Variants in PEBP4 observed in about 807,000 individuals in gnomAD.
PEBP4 encodes the protein phosphatidylethanolamine-binding protein 4.
Under a neutral mutation model 23.9 loss-of-function variants are expected in PEBP4, and 22 were observed. The observed-to-expected ratio is 0.92, with a 90% CI of 0.66 to 1.31. The LOEUF (loss-of-function observed/expected upper bound fraction) is 1.31. Ranked by LOEUF, PEBP4 falls within the 40% of genes most tolerant of loss-of-function variation. The pLI, the probability that PEBP4 is intolerant of heterozygous loss-of-function variation, is 0.00. For missense variants in PEBP4, 324 were observed against 281.7 expected, an observed-to-expected ratio of 1.15 and a Z score of -1.07; for synonymous variants, 112 against 99.3, an observed-to-expected ratio of 1.13 and a Z score of -0.76.
chr8:22,763,152 A>G (rs140539453), intron 4 of PEBP4, among the ~76,000 whole-genome samples: 2,594 of 152,140 alleles, frequency 0.017, 33 homozygotes, highest in South Asian at 0.09. Context: ...TTACAGGTGC[A>G]TGCCACCACA....
chr8:22,937,826 T>C (rs945410996), intron 1 of PEBP4, among the ~76,000 whole-genome samples: 16 of 147,812 alleles, frequency 1.1e-4, no homozygotes, highest in South Asian at 2.1e-4. Context: ...GTGTGTGTGT[T>C]CAAATGATTT....
intron 3 of PEBP4, among the ~76,000 whole-genome samples, chr8:22,819,327 C>G (rs998891792): frequency 5.9e-5 from 9 of 152,136 alleles, no homozygotes; most frequent in Non-Finnish European, 1.3e-4. Context: ...TCAAATGCTG[C>G]TAAAAGGTAG....
chr8:22,752,351 G>C (rs1805287257), intron 4 of PEBP4, among the ~76,000 whole-genome samples: 1 of 152,232 alleles, frequency 6.6e-6, no homozygotes, highest in Non-Finnish European at 1.5e-5. Flanking sequence ...GAATGCCTTT[G>C]TGAAAGAACT....
intron 3 of PEBP4, among the ~76,000 whole-genome samples, chr8:22,904,091 G>A (rs1284144769): frequency 6.6e-6 from 1 of 152,360 alleles, no homozygotes; most frequent in Admixed American, 6.5e-5. Context: ...CAGGCTGAGA[G>A]TGGGGCAAGG....
At chr8:22,777,660 CG>C (rs1805839631) in intron 4 of PEBP4, among the ~76,000 whole-genome samples, 1 of 152,122 alleles carries the variant, frequency 6.6e-6, no homozygotes. Flanking sequence ...GCCCCAGAGC[CG>C]GGGGTGGTGG....
At chr8:22,896,698 TAC>T (rs1017423825) in intron 3 of PEBP4, among the ~76,000 whole-genome samples, 1 of 152,140 alleles carries the variant, frequency 6.6e-6, no homozygotes, top group African/African-American at 2.4e-5. Context: ...GAAACAGCAT[TAC>T]ACAGAGGTTG....
chr8:22,898,371 G>C (rs576305903), intron 3 of PEBP4, among the ~76,000 whole-genome samples: 1 of 118,884 alleles, frequency 8.4e-6, no homozygotes, highest in South Asian at 3.0e-4. Context: ...CAGCCTGAGC[G>C]ACAGAGGAAG....
At chr8:22,908,388 AC>A (rs1268733551) in intron 3 of PEBP4, among the ~76,000 whole-genome samples, 103 of 143,930 alleles carry the variant, frequency 7.2e-4, no homozygotes, top group African/African-American at 2.5e-3. Flanking sequence ...AAACAAACAA[AC>A]AAACAAAAAA....
chr8:22,791,859 G>T (rs534940095), intron 4 of PEBP4, among the ~76,000 whole-genome samples: 2 of 128,530 alleles, frequency 1.6e-5, no homozygotes, highest in East Asian at 4.5e-4. Context: ...AAAAGCACTG[G>T]ATTCTTTTTT....
intron 3 of PEBP4, among the ~76,000 whole-genome samples, chr8:22,819,756 G>A (rs923842877): frequency 6.6e-6 from 1 of 151,986 alleles, no homozygotes; most frequent in Non-Finnish European, 1.5e-5. Context: ...ACAGGCGCCC[G>A]CCACCACGCC....
chr8:22,791,819 C>T (rs920873445), intron 4 of PEBP4, among the ~76,000 whole-genome samples: 2 of 152,032 alleles, frequency 1.3e-5, no homozygotes, highest in Non-Finnish European at 2.9e-5. Flanking sequence ...ACAAGTCAGA[C>T]AAAGCCTGTG....
chr8:22,833,596 T>G (rs999281899), intron 3 of PEBP4, among the ~76,000 whole-genome samples: 16 of 152,208 alleles, frequency 1.1e-4, no homozygotes, highest in African/African-American at 3.9e-4. Flanking sequence ...CCTCTCAAAG[T>G]GCTGGGATTA....
intron 4 of PEBP4, among the ~76,000 whole-genome samples, chr8:22,759,305 CTCT>C (rs753250183): frequency 5.9e-5 from 9 of 151,798 alleles, no homozygotes; most frequent in Non-Finnish European, 1.0e-4. Flanking sequence ...GTACCCAGTC[CTCT>C]TGAGTCCTGG....
chr8:22,805,940 T>C (rs1806486129), intron 4 of PEBP4, among the ~76,000 whole-genome samples: 1 of 151,902 alleles, frequency 6.6e-6, no homozygotes, highest in Non-Finnish European at 1.5e-5. Flanking sequence ...AAAGGAGAGG[T>C]ATAACTCTTC....
At chr8:22,853,193 G>T (rs968705994) in intron 3 of PEBP4, among the ~76,000 whole-genome samples, 4 of 152,152 alleles carry the variant, frequency 2.6e-5, no homozygotes, top group Non-Finnish European at 5.9e-5. Context: ...CAATAAGTTT[G>T]CTACTGTTAT....
intron 3 of PEBP4, among the ~76,000 whole-genome samples, chr8:22,830,978 C>G (rs1456848338): frequency 6.6e-6 from 1 of 152,198 alleles, no homozygotes; most frequent in Non-Finnish European, 1.5e-5. Flanking sequence ...ATGTGTTCTA[C>G]AAGGTGTTGC....
In PEBP4 at chr8:22,830,152, C is replaced by T. The variant is rs866628891; in HGVS notation, c.259-12417G>A. 1.4e-4 allele frequency among the ~76,000 whole-genome samples: 14 copies of T among 100,106 alleles called. 1 individual carries two copies. The highest frequency in any genetic ancestry group is 4.0e-4 in the Admixed American group (4 of 10,012). 65.7% of individuals were successfully genotyped at this position (100,106 alleles called of 152,430 possible). A position where few individuals can be genotyped will look rare whatever the true frequency, so the allele number is the denominator to read the frequency against. On this transcript the variant is annotated intron_variant, in intron 3 of 6. Transcript: ENST00000256404. ...GTGTGTGTGTGTGTGTGTGTTTTTA[C>T]GGAGTCTTGCTCTTGTTGTCAGGCT...
intron 3 of PEBP4, among the ~76,000 whole-genome samples, chr8:22,883,678 A>G (rs111747847): frequency 0.01 from 1,523 of 152,220 alleles, 7 homozygotes; most frequent in Non-Finnish European, 0.016. Flanking sequence ...GGACAGCCTC[A>G]CATTTGGTTT....
intron 4 of PEBP4, among the ~76,000 whole-genome samples, chr8:22,748,634 G>T (rs4872544): frequency 0.15 from 23,060 of 151,674 alleles, 2,319 homozygotes; most frequent in Middle Eastern, 0.23. Context: ...GTGTGACTCA[G>T]AGTTCACCCG....
Sources: gnomAD v4.1 joint callset for allele counts (sites outside exome capture counted in the v4.1 genomes callset) on GRCh38, gnomAD v4.1.1 for gene constraint, MANE v1.5 for transcripts, NCBI Gene and HGNC (gene_info 2026-07-23, HGNC 2026-07-21) for gene names.